Variants in MBD5 observed in about 807,000 individuals in gnomAD.
MBD5 encodes methyl-CpG binding domain protein 5.
In MBD5, 13 loss-of-function variants were observed where a neutral mutation model predicts 117.3. The observed-to-expected ratio is 0.11, with a 90% CI of 0.07 to 0.18. The LOEUF (loss-of-function observed/expected upper bound fraction) is 0.18, where lower values mean the gene tolerates loss of function less well. MBD5 is among the 10% of genes least tolerant of loss of function. The probability of loss-of-function intolerance (pLI) is 1.00; values close to 1 mark genes in which losing one functional copy is unlikely to be tolerated. For synonymous variants in MBD5, 727 were observed against 766.4 expected (o/e 0.95, Z 0.85); for missense variants, 1,879 against 2,093.8 (o/e 0.90, Z 2.00).
chr2:148,432,966 A>C (rs961472420), intron 4 of MBD5, among the ~76,000 whole-genome samples: 4 of 152,138 alleles, frequency 2.6e-5, no homozygotes, highest in African/African-American at 9.7e-5. Flanking sequence ...TAGTATGGCC[A>C]TTTTAATGAT....
At chr2:148,441,863 T>G (rs1706335720) in intron 4 of MBD5, among the ~76,000 whole-genome samples, 1 of 152,188 alleles carries the variant, frequency 6.6e-6, no homozygotes, top group South Asian at 2.1e-4. Flanking sequence ...CCAGTGATGA[T>G]GAGTATTTTT....
At chr2:148,228,513 C>A (rs1055230058) in intron 2 of MBD5, among the ~76,000 whole-genome samples, 1 of 152,098 alleles carries the variant, frequency 6.6e-6, no homozygotes, top group African/African-American at 2.4e-5. Flanking sequence ...TTTGGTTTGC[C>A]AGTATTTTAT....
At chr2:148,506,368 G>A (rs919896081) in intron 12 of MBD5, among the ~76,000 whole-genome samples, 17 of 152,152 alleles carry the variant, frequency 1.1e-4, no homozygotes, top group Admixed American at 7.2e-4. Context: ...CTGATTTTTT[G>A]TGAAGCTGGA....
rs116746222 is a variant in MBD5, at chr2:148,132,459, C to T, written c.-924-46241C>T. 4.6e-3 allele frequency among the ~76,000 whole-genome samples: 702 copies of T among 151,354 alleles called. 4 individuals are homozygous for T. Among genetic ancestry groups the T allele is most frequent in the African/African-American group, 0.016 (655 of 41,292 alleles). On this transcript the variant is annotated intron_variant, in intron 1 of 13. Transcript: ENST00000642680. ...ATAGGAATGAATCTTAAGTGAAGTA[C>T]GTCCATATGGCAATTCTGAAATGTA...
At chr2:148,255,502 G>A (rs1364255799) in intron 3 of MBD5, among the ~76,000 whole-genome samples, 1 of 152,168 alleles carries the variant, frequency 6.6e-6, no homozygotes, top group Non-Finnish European at 1.5e-5. Flanking sequence ...CTGGCAATGG[G>A]GTGCTTGGAG....
chr2:148,467,396 G>A (rs575801906), intron 7 of MBD5, among the ~76,000 whole-genome samples: 6 of 152,248 alleles, frequency 3.9e-5, no homozygotes, highest in Admixed American at 3.9e-4. Flanking sequence ...AGCCAGAGAA[G>A]GAGAAATGCA....
intron 1 of MBD5, among the ~76,000 whole-genome samples, chr2:148,024,039 A>G (rs1285830118): frequency 6.6e-6 from 1 of 152,128 alleles, no homozygotes; most frequent in Non-Finnish European, 1.5e-5. Flanking sequence ...AGCAGGGACC[A>G]GGGAACTCAG....
At chr2:148,282,903 C>G (rs536761055) in intron 3 of MBD5, among the ~76,000 whole-genome samples, 1 of 144,272 alleles carries the variant, frequency 6.9e-6, no homozygotes, top group African/African-American at 2.5e-5. Context: ...TTAACCGCCC[C>G]CCCCCATCAG....
At chr2:148,182,890 C>G (rs1019091975) in intron 2 of MBD5, among the ~76,000 whole-genome samples, 1 of 152,118 alleles carries the variant, frequency 6.6e-6, no homozygotes, top group Admixed American at 6.5e-5. Flanking sequence ...TAATGGGCAC[C>G]CCGCTTTTGG....
At chr2:148,425,590 A>C (rs555928783) in intron 4 of MBD5, among the ~76,000 whole-genome samples, 1 of 152,300 alleles carries the variant, frequency 6.6e-6, no homozygotes, top group South Asian at 2.1e-4. Flanking sequence ...CAAAAAAAGA[A>C]AATTTCAGGC....
At chr2:148,263,323 C>A (rs1002586587) in intron 3 of MBD5, among the ~76,000 whole-genome samples, 1 of 152,018 alleles carries the variant, frequency 6.6e-6, no homozygotes, top group Non-Finnish European at 1.5e-5. Context: ...TATCGTGGCA[C>A]AAATGTACAC....
At chr2:148,325,693 A>G (rs1373480097) in intron 3 of MBD5, among the ~76,000 whole-genome samples, 1 of 151,980 alleles carries the variant, frequency 6.6e-6, no homozygotes, top group African/African-American at 2.4e-5. Context: ...CCCCTTTATC[A>G]TTTTTTATTG....
intron 3 of MBD5, among the ~76,000 whole-genome samples, chr2:148,286,410 C>A (rs1010929218): frequency 2.0e-5 from 3 of 152,194 alleles, no homozygotes; most frequent in African/African-American, 7.2e-5. Flanking sequence ...AGCTGACAAG[C>A]AGACTTACCC....
At chr2:148,367,730 C>T (rs1186690079) in intron 4 of MBD5, among the ~76,000 whole-genome samples, 2 of 152,130 alleles carry the variant, frequency 1.3e-5, no homozygotes, top group East Asian at 3.8e-4. Flanking sequence ...TGAACAAAAG[C>T]TCTTTATCAC....
intron 4 of MBD5, among the ~76,000 whole-genome samples, chr2:148,413,245 G>A (rs542484925): frequency 6.6e-6 from 1 of 152,042 alleles, no homozygotes; most frequent in Non-Finnish European, 1.5e-5. Context: ...TTTTAGTTCT[G>A]TTCGTATGAT....
At chr2:148,074,016 AT>A (rs566442733) in intron 1 of MBD5, among the ~76,000 whole-genome samples, 77 of 151,470 alleles carry the variant, frequency 5.1e-4, no homozygotes, top group Non-Finnish European at 7.4e-4. Context: ...TTCTTTTAAG[AT>A]TTTTTTTATC....
chr2:148,156,216 A>G (rs1031818520), intron 1 of MBD5, among the ~76,000 whole-genome samples: 12 of 152,238 alleles, frequency 7.9e-5, no homozygotes, highest in African/African-American at 2.9e-4. Context: ...AAACCGACCA[A>G]TGATTCCCTG....
At chr2:148,205,640 T>C (rs767498540) in intron 2 of MBD5, among the ~76,000 whole-genome samples, 1 of 152,130 alleles carries the variant, frequency 6.6e-6, no homozygotes, top group African/African-American at 2.4e-5. Flanking sequence ...TTGCATAAAA[T>C]TATAAACATA....
intron 13 of MBD5, among the ~76,000 whole-genome samples, chr2:148,511,889 A>G (rs2105289088): frequency 6.6e-6 from 1 of 152,306 alleles, no homozygotes; most frequent in Admixed American, 6.5e-5. Context: ...GCTGCTGTCT[A>G]AACATTATTT....
Sources: allele counts gnomAD v4.1 joint callset (sites outside exome capture counted in the v4.1 genomes callset), GRCh38; gene constraint gnomAD v4.1.1; transcripts MANE v1.5; gene names NCBI Gene and HGNC (gene_info 2026-07-23, HGNC 2026-07-21).